RIOX1: variants seen among roughly 807,000 people sequenced by gnomAD.
The protein encoded by RIOX1 is ribosomal oxygenase 1.
In RIOX1, 33 loss-of-function variants were observed where a neutral mutation model predicts 44.6. That is an observed-to-expected ratio of 0.74 (90% CI 0.56 to 0.99). RIOX1 has a LOEUF of 0.99. Ranked by LOEUF, RIOX1 falls within the 50% of genes least tolerant of loss-of-function variation. The pLI is 0.00. For missense variants in RIOX1, 821 were observed against 871.7 expected (o/e 0.94, Z 0.73); for synonymous variants, 387 against 395.8 (o/e 0.98, Z 0.26).
chr14:73,491,614 G>A lies in RIOX1; in HGVS notation c.597G>A (p.Arg199=). ...AGCTGAACCGCATCCCCAGCAGCCG[G>A]CGGCGAGCGGCCCGCCTCTTTGAGT... ...LAELNRIPSS[R]RRAARLFEWL... The change falls in exon 1 of 1, where the codon CGG becomes CGA. Residue 199 remains arginine (R), a synonymous_variant. Transcript: ENST00000304061. 2.6e-6 allele frequency: 4 copies of A among 1,547,458 alleles called. No homozygotes were observed. The highest frequency in any genetic ancestry group is 3.5e-6 in the Non-Finnish European group (4 of 1,146,414).
At position 73,492,341 on chromosome 14, in the gene RIOX1, G is replaced by A; in HGVS notation, c.1324G>A (p.Ala442Thr). ...LEAILPLAVQ[A>T]AMEENVEFRR... ...GGCCATACTGCCTCTGGCAGTGCAG[G>A]CTGCAATGGAAGAAAATGTGGAGTT... is the stretch of plus-strand genomic sequence containing the variant. The change falls in exon 1 of 1, where the codon GCT (alanine) becomes ACT (threonine). Residue 442 changes from alanine to threonine, a missense_variant. Coordinates refer to ENST00000304061, the MANE Select transcript of RIOX1 (RefSeq NM_024644.5). The surrounding 1 kb of genome is among the most constrained non-coding windows in gnomAD (Gnocchi z 4.9). 6.2e-7 allele frequency: 1 copy of A among 1,613,954 alleles called. No homozygotes were observed.
rs754013856 is a variant in RIOX1 at position 73,492,848 on chromosome 14, C to T, written c.1831C>T (p.Leu611=). 59 of 1,613,768 alleles carry T rather than the reference C, an allele frequency of 3.7e-5. No individual in the cohort carries two copies. The highest frequency in any genetic ancestry group is 5.0e-5 in the Non-Finnish European group (59 of 1,179,868). ...TCCAGAGTTTGTGAGAGTGGGGGAC[C>T]TGCCCTGTGACAGTGTGGAGGACCA... ...SYPEFVRVGD[L]PCDSVEDQLS... is the part of the protein sequence containing the mutation. Residue 611 remains leucine (L), a synonymous_variant, in exon 1 of 1, where the codon CTG becomes TTG. Coordinates refer to ENST00000304061, the MANE Select transcript of RIOX1 (RefSeq NM_024644.5). The surrounding 1 kb of genome is among the most constrained non-coding windows in gnomAD (Gnocchi z 4.9).
rs1003703772 is a variant in RIOX1, at chr14:73,492,668, C to T, written c.1651C>T (p.Leu551Phe). 5.0e-6 allele frequency: 8 copies of T among 1,613,862 alleles called. No individual in the cohort carries two copies. The highest frequency in any genetic ancestry group is 5.9e-6 in the Non-Finnish European group (7 of 1,179,898). ...GACAACAGAAACAGAAGTCCATATG[C>T]TTCAGGATGGGATAGCTCGGCTGGT... is the stretch of plus-strand genomic sequence containing the variant. ...QLTTETEVHMLQDGIARLVGE... is the reference protein window; with the variant it reads ...QLTTETEVHMFQDGIARLVGE... The change falls in exon 1 of 1, where the codon CTT (leucine) becomes TTT (phenylalanine). Residue 551 changes from leucine to phenylalanine, a missense_variant. Coordinates refer to ENST00000304061, the MANE Select transcript of RIOX1 (RefSeq NM_024644.5). This position sits in a 1 kb window ranked among gnomAD's most constrained non-coding sequence, Gnocchi z 4.9.
At position 73,492,675 on chromosome 14, in the gene RIOX1, A is replaced by C. The variant is rs773572459; in HGVS notation, c.1658A>C (p.Asp553Ala). 1 of 1,613,984 alleles carries C rather than the reference A, an allele frequency of 6.2e-7. No individual in the cohort carries two copies. The highest frequency in any genetic ancestry group is 1.1e-5 in the South Asian group (1 of 91,080). ...GAAACAGAAGTCCATATGCTTCAGG[A>C]TGGGATAGCTCGGCTGGTGGGTGAG... ...TTETEVHMLQ[D>A]GIARLVGEGG... is the part of the protein sequence containing the mutation. Residue 553 changes from aspartate to alanine, a missense_variant, in exon 1 of 1, where the codon GAT becomes GCT. Physicochemically the swap from Asp to Ala is moderately radical, Grantham distance 126. Coordinates refer to ENST00000304061, the MANE Select transcript of RIOX1 (RefSeq NM_024644.5). This position sits in a 1 kb window ranked among gnomAD's most constrained non-coding sequence, Gnocchi z 4.9.
At position 73,491,004 on chromosome 14, in the gene RIOX1, G is replaced by A. The variant is rs1395028311; in HGVS notation, c.-14G>A. 2 of 1,408,722 alleles carry A rather than the reference G, an allele frequency of 1.4e-6. No homozygotes were observed. The highest frequency in any genetic ancestry group is 1.6e-5 in the South Asian group (1 of 61,442). 87.3% of individuals were successfully genotyped at this position (1,408,722 alleles called of 1,614,324 possible). ...CCCGGCCGGCCGGGCGGGGAAGACTGGTGTGGTCTGGCCATGGATGGGCTC... is the reference window on the plus strand; with the variant it reads ...CCCGGCCGGCCGGGCGGGGAAGACTAGTGTGGTCTGGCCATGGATGGGCTC... On this transcript the variant is annotated 5_prime_UTR_variant, in exon 1 of 1. Transcript: ENST00000304061.
In RIOX1 at chr14:73,492,030, C is replaced by T. The variant is rs745446376; in HGVS notation, c.1013C>T (p.Ala338Val). 12 of 1,613,838 alleles carry T rather than the reference C, an allele frequency of 7.4e-6. No homozygotes were observed. The highest frequency in any genetic ancestry group is 6.7e-5 in the African/African-American group (5 of 74,910). ...ACGCCCCCTAACTCGCAGGGCTTTG[C>T]CCCCCACTACGACGACATCGAGGCC... The part of the protein sequence containing the change: ...YLTPPNSQGF[A>V]PHYDDIEAFV... The change falls in exon 1 of 1, where the codon GCC becomes GTC. Residue 338 changes from alanine to valine, a missense_variant. Ala to Val is a moderately conservative substitution (Grantham distance 64, BLOSUM62 0). Around this residue, in one of 2 missense-constraint regions of RIOX1, gnomAD observed 554 missense variants for 531.2 expected, o/e 1.04. Coordinates refer to ENST00000304061, the MANE Select transcript of RIOX1 (RefSeq NM_024644.5). This position sits in a 1 kb window ranked among gnomAD's most constrained non-coding sequence, Gnocchi z 4.9.
In RIOX1 at chr14:73,492,340, G is replaced by T. The variant is rs770987206; in HGVS notation, c.1323G>T (p.Gln441His). 1 of 1,613,976 alleles carries T rather than the reference G, an allele frequency of 6.2e-7. No homozygotes were observed. Among genetic ancestry groups the T allele is most frequent in the Non-Finnish European group, 8.5e-7 (1 of 1,179,844 alleles). The change falls in exon 1 of 1, where the codon CAG becomes CAT. Residue 441 changes from glutamine to histidine, a missense_variant. Coordinates refer to ENST00000304061, the MANE Select transcript of RIOX1 (RefSeq NM_024644.5). The surrounding 1 kb of genome is among the most constrained non-coding windows in gnomAD (Gnocchi z 4.9). Reference sequence around the variant, plus strand: ...AGGCCATACTGCCTCTGGCAGTGCAGGCTGCAATGGAAGAAAATGTGGAGT... The same window carrying T: ...AGGCCATACTGCCTCTGGCAGTGCATGCTGCAATGGAAGAAAATGTGGAGT... ...FLEAILPLAV[Q>H]AAMEENVEFR...
rs747701951 is a variant in RIOX1 at position 73,491,813 on chromosome 14, C to G, written c.796C>G (p.Arg266Gly). ...GTTCGGCCAGCATTTGGACGCCGCT[C>G]GCTACATCAACGGACGACGCGAGAC... ...VQFGQHLDAA[R>G]YINGRRETLN... Residue 266 changes from arginine (R) to glycine (G), a missense_variant, in exon 1 of 1, where the codon CGC becomes GGC. Coordinates refer to ENST00000304061, the MANE Select transcript of RIOX1 (RefSeq NM_024644.5). The G allele has an allele frequency of 1.2e-6, 2 of 1,602,010 alleles. No homozygotes were observed. The highest frequency in any genetic ancestry group is 1.7e-6 in the Non-Finnish European group (2 of 1,175,004).
At position 73,490,993 on chromosome 14, in the gene RIOX1, C is replaced by T. The variant is rs759687004; in HGVS notation, c.-25C>T. ...TTAGCTTCGCCCCCGGCCGGCCGGG[C>T]GGGGAAGACTGGTGTGGTCTGGCCA... is the stretch of plus-strand genomic sequence containing the variant. On this transcript the variant is annotated 5_prime_UTR_variant, in exon 1 of 1. Coordinates refer to ENST00000304061, the MANE Select transcript of RIOX1 (RefSeq NM_024644.5). The T allele has an allele frequency of 5.1e-5, 69 of 1,348,166 alleles. 1 individual carries two copies. The highest frequency in any genetic ancestry group is 2.6e-4 in the Middle Eastern group (1 of 3,890). 83.5% of individuals were successfully genotyped at this position (1,348,166 alleles called of 1,614,324 possible).
rs377065746 is a variant in RIOX1 at position 73,492,667 on chromosome 14, G to C, written c.1650G>C (p.Met550Ile). ...AQLTTETEVH[M>I]LQDGIARLVG... is the part of the protein sequence containing the mutation. Reference sequence around the variant, plus strand: ...TGACAACAGAAACAGAAGTCCATATGCTTCAGGATGGGATAGCTCGGCTGG... The same window carrying C: ...TGACAACAGAAACAGAAGTCCATATCCTTCAGGATGGGATAGCTCGGCTGG... The change falls in exon 1 of 1, where the codon ATG (methionine) becomes ATC (isoleucine). Residue 550 changes from methionine to isoleucine, a missense_variant. By Grantham distance (10) the Met-to-Ile change is conservative. This residue lies in a region of RIOX1 where 267 missense variants were observed against 340.5 expected (regional missense o/e 0.78). Transcript: ENST00000304061. This position sits in a 1 kb window ranked among gnomAD's most constrained non-coding sequence, Gnocchi z 4.9. 2.7e-5 allele frequency: 43 copies of C among 1,613,892 alleles called. No individual in the cohort carries two copies. The highest frequency in any genetic ancestry group is 3.6e-5 in the Non-Finnish European group (42 of 1,179,896).
In RIOX1 at chr14:73,491,028, T is replaced by C. The variant is rs1438516370; in HGVS notation, c.11T>C (p.Leu4Pro). Residue 4 changes from leucine to proline, a missense_variant, in exon 1 of 1, where the codon CTC (leucine) becomes CCC (proline). Around this residue, in one of 2 missense-constraint regions of RIOX1, gnomAD observed 554 missense variants for 531.2 expected, o/e 1.04. Transcript: ENST00000304061. MDG[L>P]QASAGPLRRG... ...TGGTGTGGTCTGGCCATGGATGGGCTCCAGGCCAGTGCAGGGCCGTTGAGG... is the reference window on the plus strand; with the variant it reads ...TGGTGTGGTCTGGCCATGGATGGGCCCCAGGCCAGTGCAGGGCCGTTGAGG... The C allele has an allele frequency of 6.5e-7, 1 of 1,547,520 alleles. No individual in the cohort carries two copies. Among genetic ancestry groups the C allele is most frequent in the Non-Finnish European group, 8.7e-7 (1 of 1,144,950 alleles).
Position 73,491,267 on chromosome 14 carries a change from G to A in RIOX1, c.250G>A (p.Ala84Thr). 1.9e-6 allele frequency: 3 copies of A among 1,570,876 alleles called. No individual in the cohort carries two copies. Among genetic ancestry groups the A allele is most frequent in the South Asian group, 2.3e-5 (2 of 85,926 alleles). Residue 84 changes from alanine to threonine, a missense_variant, in exon 1 of 1, where the codon GCG becomes ACG. Physicochemically the swap from Ala to Thr is moderately conservative, Grantham distance 58. Around this residue, in one of 2 missense-constraint regions of RIOX1, gnomAD observed 554 missense variants for 531.2 expected, o/e 1.04. Coordinates refer to ENST00000304061, the MANE Select transcript of RIOX1 (RefSeq NM_024644.5). ...DLGDALPGGAAVAAVPDAARR... is the reference protein window; with the variant it reads ...DLGDALPGGATVAAVPDAARR... ...GGGGGACGCGCTACCCGGTGGGGCG[G>A]CGGTGGCGGCCGTCCCGGACGCAGC...
Position 73,492,477 on chromosome 14 carries a change from G to T in RIOX1, c.1460G>T (p.Arg487Leu), listed in dbSNP as rs754613395. Residue 487 changes from arginine to leucine, a missense_variant, in exon 1 of 1, where the codon CGC (arginine) becomes CTC (leucine). This residue lies in a region of RIOX1 where 267 missense variants were observed against 340.5 expected (regional missense o/e 0.78). Coordinates refer to ENST00000304061, the MANE Select transcript of RIOX1 (RefSeq NM_024644.5). The surrounding 1 kb of genome is among the most constrained non-coding windows in gnomAD (Gnocchi z 4.9). Reference protein sequence around the residue: ...FMEKVRVLVARLGHFAPVDAV... With the variant: ...FMEKVRVLVALLGHFAPVDAV... ...GAGAAGGTGCGGGTCTTGGTTGCCC[G>T]CCTGGGACACTTTGCTCCTGTTGAT... The T allele has an allele frequency of 6.2e-6, 10 of 1,613,662 alleles. No individual in the cohort carries two copies. Among genetic ancestry groups the T allele is most frequent in the Non-Finnish European group, 8.5e-6 (10 of 1,179,750 alleles).
chr14:73,491,386 G>A lies in RIOX1; in HGVS notation c.369G>A (p.Val123=), dbSNP rs920220690. The A allele has an allele frequency of 2.2e-6, 3 of 1,351,888 alleles. No homozygotes were observed. The highest frequency in any genetic ancestry group is 2.8e-6 in the Non-Finnish European group (3 of 1,060,076). 83.7% of individuals were successfully genotyped at this position (1,351,888 alleles called of 1,614,324 possible). The stretch of plus-strand genomic sequence containing the variant: ...TGCAGACCCCGTCGGCGCGCCTGGT[G>A]CCCGCTTCCGCGCCGCCCGCGCGCC... ...RSLQTPSARL[V]PASAPPARLV... is the part of the protein sequence containing the mutation. The change falls in exon 1 of 1, where the codon GTG becomes GTA. Residue 123 remains valine (V), a synonymous_variant. Transcript: ENST00000304061.
rs763059759 is a variant in RIOX1, at chr14:73,493,100, G to C, written c.*157G>C. ...TGCTTCAGTGTCACAAACCTCGGAA[G>C]GTCTTCTAGGAAGAACCATCTCATC... On this transcript the variant is annotated 3_prime_UTR_variant, in exon 1 of 1. Transcript: ENST00000304061. 6.2e-7 allele frequency: 1 copy of C among 1,611,786 alleles called. No homozygotes were observed. Among genetic ancestry groups the C allele is most frequent in the Non-Finnish European group, 8.5e-7 (1 of 1,179,802 alleles).
chr14:73,491,385 T>G lies in RIOX1; in HGVS notation c.368T>G (p.Val123Gly), dbSNP rs1885722899. 1 of 1,353,390 alleles carries G rather than the reference T, an allele frequency of 7.4e-7. No individual in the cohort carries two copies. Among genetic ancestry groups the G allele is most frequent in the Non-Finnish European group, 9.4e-7 (1 of 1,060,810 alleles). The allele number at this position is 1,353,390 out of a possible 1,614,324, so 83.8% of individuals were successfully genotyped here. A position where few individuals can be genotyped will look rare whatever the true frequency, so the allele number is the denominator to read the frequency against. The change falls in exon 1 of 1, where the codon GTG (valine) becomes GGG (glycine). Residue 123 changes from valine (V) to glycine (G), a missense_variant. Physicochemically the swap from Val to Gly is moderately radical, Grantham distance 109. Coordinates refer to ENST00000304061, the MANE Select transcript of RIOX1 (RefSeq NM_024644.5). ...RSLQTPSARL[V>G]PASAPPARLV... ...CTGCAGACCCCGTCGGCGCGCCTGG[T>G]GCCCGCTTCCGCGCCGCCCGCGCGC...
chr14:73,492,298 C>T lies in RIOX1; in HGVS notation c.1281C>T (p.Thr427=). 4 of 1,614,046 alleles carry T rather than the reference C, an allele frequency of 2.5e-6. No individual in the cohort carries two copies. Among genetic ancestry groups the T allele is most frequent in the Non-Finnish European group, 3.4e-6 (4 of 1,179,902 alleles). The change falls in exon 1 of 1, where the codon ACC becomes ACT. Residue 427 remains threonine (T), a synonymous_variant. Transcript: ENST00000304061. This position sits in a 1 kb window ranked among gnomAD's most constrained non-coding sequence, Gnocchi z 4.9. ...CCTTGTCCACGTACCAGCGCAATACCTGGGGTGACTTCTTAGAGGCCATAC... is the reference window on the plus strand; with the variant it reads ...CCTTGTCCACGTACCAGCGCAATACTTGGGGTGACTTCTTAGAGGCCATAC... ...HLTLSTYQRN[T]WGDFLEAILP... is the part of the protein sequence containing the mutation.
rs1392656601 is a variant in RIOX1, at chr14:73,491,391, C to T, written c.374C>T (p.Ala125Val). The change falls in exon 1 of 1, where the codon GCT becomes GTT. Residue 125 changes from alanine to valine, a missense_variant. Physicochemically the swap from Ala to Val is moderately conservative, Grantham distance 64. Transcript: ENST00000304061. ...LQTPSARLVP[A>V]SAPPARLVEV... Reference sequence around the variant, plus strand: ...ACCCCGTCGGCGCGCCTGGTGCCCGCTTCCGCGCCGCCCGCGCGCCTGGTG... The same window carrying T: ...ACCCCGTCGGCGCGCCTGGTGCCCGTTTCCGCGCCGCCCGCGCGCCTGGTG... The T allele has an allele frequency of 1.5e-6, 2 of 1,351,522 alleles. No individual in the cohort carries two copies. The highest frequency in any genetic ancestry group is 1.9e-6 in the Non-Finnish European group (2 of 1,060,246). The allele number at this position is 1,351,522 out of a possible 1,614,324, so 83.7% of individuals were successfully genotyped here.
chr14:73,493,178 GT>G lies in RIOX1; in HGVS notation c.*236del. The G allele has an allele frequency of 6.8e-7, 1 of 1,470,554 alleles. No individual in the cohort carries two copies. Among genetic ancestry groups the G allele is most frequent in the South Asian group, 1.1e-5 (1 of 87,724 alleles). The allele number at this position is 1,470,554 out of a possible 1,614,324, so 91.1% of individuals were successfully genotyped here. On this transcript the variant is annotated 3_prime_UTR_variant, in exon 1 of 1. Coordinates refer to ENST00000304061, the MANE Select transcript of RIOX1 (RefSeq NM_024644.5). The stretch of plus-strand genomic sequence containing the variant: ...GAGGTGGAAAAAAAACCCTTGATCC[GT>G]GATCATTTCAGAGCACCAACTTCAT...
Sources: gnomAD v4.1 joint callset for allele counts on GRCh38, gnomAD v4.1.1 for gene constraint, gnomAD v4.1.1 regional missense constraint, Gnocchi (gnomAD v3.1) non-coding constraint, MANE v1.5 for transcripts, NCBI Gene and HGNC (gene_info 2026-07-23, HGNC 2026-07-21) for gene names.